TICRR: variants seen among roughly 807,000 people sequenced by gnomAD.
TICRR encodes the protein treslin.
In TICRR, 132 loss-of-function variants were observed where a neutral mutation model predicts 178.1. That is an observed-to-expected ratio of 0.74 (90% confidence interval 0.64 to 0.86). The LOEUF is 0.86. TICRR is among the 40% of genes least tolerant of loss of function. The pLI is 0.00. For synonymous variants in TICRR, 991 were observed against 900.7 expected (o/e 1.10, Z -1.79); for missense variants, 2,587 against 2,334.3 (o/e 1.11, Z -2.23).
chr15:89,590,927 A>T (rs551232165), intron 4 of TICRR, among the ~76,000 whole-genome samples: 2 of 152,310 alleles, frequency 1.3e-5, no homozygotes, highest in East Asian at 3.9e-4. Flanking sequence ...ATCTCTCAGA[A>T]TTACAGAGTT....
In TICRR at chr15:89,578,646, ATCTCTC is replaced by A; in HGVS notation, c.654+2414_654+2419del. Among the ~76,000 whole-genome samples, 3 of 134,672 alleles carry A rather than the reference ATCTCTC, an allele frequency of 2.2e-5. No homozygotes were observed. The Middle Eastern group carries it at 0.011, about 510-fold the overall frequency. 88.4% of individuals were successfully genotyped at this position (134,672 alleles called of 152,430 possible). On this transcript the variant is annotated intron_variant, in intron 1 of 21. Coordinates refer to ENST00000268138, the MANE Select transcript of TICRR (RefSeq NM_152259.4). ...CTTTGTCTCTCTTTTTTTCTCTTTAATCTCTCTCTCTCTTTTTTTTTTTGAATAGCA... is the reference window on the plus strand; with the variant it reads ...CTTTGTCTCTCTTTTTTTCTCTTTAATCTCTCTTTTTTTTTTTGAATAGCA...
At chr15:89,613,067 C>A (rs768860662) in intron 15 of TICRR, among the ~76,000 whole-genome samples, 1 of 152,160 alleles carries the variant, frequency 6.6e-6, no homozygotes, top group Non-Finnish European at 1.5e-5. Flanking sequence ...CCCTAGTGCC[C>A]TTTCCTTTCA....
At chr15:89,585,565 CTAT>C (rs1962806285) in intron 3 of TICRR, 140 bp from the exon 4 acceptor site, 1 of 657,228 alleles carries the variant, frequency 1.5e-6, no homozygotes, top group Non-Finnish European at 2.7e-6. Context: ...CCTTCTACCT[CTAT>C]TAATGATCAA....
chr15:89,608,261 A>T (rs2141970307), intron 14 of TICRR, among the ~76,000 whole-genome samples: 1 of 152,334 alleles, frequency 6.6e-6, no homozygotes, highest in South Asian at 2.1e-4. Flanking sequence ...AACCTAGATG[A>T]AATGGACAGA....
intron 1 of TICRR, chr15:89,579,645 CAT>C (rs995053696): frequency 1.6e-4 from 25 of 152,014 alleles, no homozygotes; most frequent in Non-Finnish European, 5.9e-5. Flanking sequence ...TTTTTAATCA[CAT>C]GTTTTGCTAT....
At chr15:89,588,446 G>A (rs1962857264) in intron 4 of TICRR, among the ~76,000 whole-genome samples, 1 of 152,172 alleles carries the variant, frequency 6.6e-6, no homozygotes, top group Admixed American at 6.5e-5. Flanking sequence ...AGTGTGAACA[G>A]GAAGAGATTA....
chr15:89,625,186 TGCCCCCGCCTCTCCCACA>T lies in TICRR; in HGVS notation c.4879_4896del (p.Pro1627_Ser1632del). 1 of 1,613,558 alleles carries T rather than the reference TGCCCCCGCCTCTCCCACA, an allele frequency of 6.2e-7. No homozygotes were observed. Among genetic ancestry groups the T allele is most frequent in the Non-Finnish European group, 8.5e-7 (1 of 1,179,820 alleles). On this transcript the variant is annotated inframe_deletion, in exon 20 of 22. Transcript: ENST00000268138. The stretch of plus-strand genomic sequence containing the variant: ...TGAACCCACCTATGTGTCACCCCCC[TGCCCCCGCCTCTCCCACA>T]GCACACCTGGCAAGAGCAGGGGGCA...
At chr15:89,595,669 T>C in intron 7 of TICRR, 58 bp downstream of exon 7, 2 of 1,297,886 alleles carry the variant, frequency 1.5e-6, no homozygotes. Flanking sequence ...AAAATAAAAT[T>C]TAATCGTACC....
chr15:89,619,854 G>GC lies in TICRR; in HGVS notation c.3154+16dup. The GC allele has an allele frequency of 1.9e-6, 3 of 1,599,730 alleles. No individual in the cohort carries two copies. In the Admixed American group the frequency reaches 5.3e-5, roughly 28 times the overall value. On this transcript the variant is annotated intron_variant, in intron 18 of 21. Coordinates refer to ENST00000268138, the MANE Select transcript of TICRR (RefSeq NM_152259.4). ...GCAAGATAAGTCAGGTAACATACGG[G>GC]CCCCTCTGCCTTCACAAGTCCGTGC... is the stretch of plus-strand genomic sequence containing the variant.
rs1055722714 is a variant in TICRR, at chr15:89,585,912, C to G, written c.1381C>G (p.His461Asp). 2 of 1,613,814 alleles carry G rather than the reference C, an allele frequency of 1.2e-6. No individual in the cohort carries two copies. Among genetic ancestry groups the G allele is most frequent in the Non-Finnish European group, 1.7e-6 (2 of 1,179,826 alleles). The change falls in exon 4 of 22, where the codon CAT becomes GAT. Residue 461 changes from histidine (H) to aspartate (D), a missense_variant. By Grantham distance (81) the His-to-Asp change is moderately conservative (BLOSUM62 -1). Transcript: ENST00000268138. ...TGTGGATAGTATATTGAATCAGACT[C>G]ATGATTCGCTTGCAGATACTGCTTC... ...DVVDSILNQTHDSLADTASAA... is the reference protein window; with the variant it reads ...DVVDSILNQTDDSLADTASAA...
At chr15:89,606,871 CTTTAT>C in intron 14 of TICRR, 46 bp downstream of exon 14, 3 of 1,538,124 alleles carry the variant, frequency 2.0e-6, no homozygotes, top group Non-Finnish European at 2.7e-6. Context: ...AGCATGACAA[CTTTAT>C]TTTTATTGTA....
chr15:89,626,026 G>A lies in TICRR; in HGVS notation c.5567G>A (p.Gly1856Glu), dbSNP rs1162899576. Residue 1856 changes from glycine to glutamate, a missense_variant, in exon 21 of 22, where the codon GGG becomes GAG. Coordinates refer to ENST00000268138, the MANE Select transcript of TICRR (RefSeq NM_152259.4). ...ALTQSPLLFQGKTPSSQSKDP... is the reference protein window; with the variant it reads ...ALTQSPLLFQEKTPSSQSKDP... Reference sequence around the variant, plus strand: ...ACCCAGTCTCCGCTGCTGTTCCAGGGGAAAACACCTTCCTCTCAGAGCAAA... The same window carrying A: ...ACCCAGTCTCCGCTGCTGTTCCAGGAGAAAACACCTTCCTCTCAGAGCAAA... 6.2e-7 allele frequency: 1 copy of A among 1,613,862 alleles called. No homozygotes were observed. The highest frequency in any genetic ancestry group is 8.5e-7 in the Non-Finnish European group (1 of 1,179,884).
At chr15:89,619,612 G>A (rs1218709721) in intron 17 of TICRR, 96 bp from the exon 18 acceptor site, 1 of 1,290,352 alleles carries the variant, frequency 7.7e-7, no homozygotes, top group Non-Finnish European at 1.1e-6. Flanking sequence ...CATCTTATAT[G>A]TGGTACTATG....
At chr15:89,591,962 T>G in intron 4 of TICRR, 85 bp from the exon 5 acceptor site, 3 of 1,305,082 alleles carry the variant, frequency 2.3e-6, no homozygotes, top group African/African-American at 2.9e-5. Context: ...ATGCAGTCAG[T>G]CCAGGGGAGG....
intron 17 of TICRR, among the ~76,000 whole-genome samples, chr15:89,619,451 T>C (rs16943389): frequency 0.13 from 20,045 of 152,058 alleles, 1,723 homozygotes; most frequent in East Asian, 0.35. Context: ...GCTACACCAT[T>C]CTTAAGGTGG....
intron 1 of TICRR, among the ~76,000 whole-genome samples, chr15:89,577,986 G>A (rs1393883271): frequency 6.6e-6 from 1 of 152,064 alleles, no homozygotes; most frequent in Non-Finnish European, 1.5e-5. Flanking sequence ...CATTCCAGGT[G>A]AGGAGACAAG....
In TICRR at chr15:89,625,315, C is replaced by T. The variant is rs762466707; in HGVS notation, c.5005C>T (p.Pro1669Ser). 2.0e-5 allele frequency: 33 copies of T among 1,613,966 alleles called. 1 individual carries two copies. The Middle Eastern group carries it at 4.9e-4, about 24-fold the overall frequency. The change falls in exon 20 of 22, where the codon CCA becomes TCA. Residue 1669 changes from proline to serine, a missense_variant. Transcript: ENST00000268138. ...TCAAACAGATGGGGTTCCTTGGACA[C>T]CATCCCCCAAGCACAGTGGGAAGAC... The part of the protein sequence containing the change: ...PFQTDGVPWT[P>S]SPKHSGKTTP...
In TICRR at chr15:89,625,575, C is replaced by T. The variant is rs761244040; in HGVS notation, c.5265C>T (p.Ser1755=). Residue 1755 remains serine (S), a synonymous_variant, in exon 20 of 22, where the codon AGC becomes AGT. Coordinates refer to ENST00000268138, the MANE Select transcript of TICRR (RefSeq NM_152259.4). ...CAGACCAGTCGCCTCCCAGGAACAG[C>T]ATGCCTAAGGCCGAGGAAGCCTCTT... is the stretch of plus-strand genomic sequence containing the variant. ...QLPDQSPPRN[S]MPKAEEASSW... The T allele has an allele frequency of 1.2e-6, 2 of 1,613,012 alleles. No individual in the cohort carries two copies. Among genetic ancestry groups the T allele is most frequent in the South Asian group, 2.2e-5 (2 of 91,070 alleles).
chr15:89,591,008 C>T (rs1164068061), intron 4 of TICRR, among the ~76,000 whole-genome samples: 1 of 152,098 alleles, frequency 6.6e-6, no homozygotes, highest in Middle Eastern at 3.2e-3. Context: ...GCCTTCTACC[C>T]TCACACTCCC....
Sources: allele counts gnomAD v4.1 joint callset (sites outside exome capture counted in the v4.1 genomes callset), GRCh38; gene constraint gnomAD v4.1.1; transcripts MANE v1.5; gene names NCBI Gene and HGNC (gene_info 2026-07-23, HGNC 2026-07-21).